METTL25: variants seen among roughly 807,000 people sequenced by gnomAD.
METTL25 encodes the protein methyltransferase like 25.
METTL25 carries 64 observed loss-of-function variants against 71.6 expected under a neutral mutation model. The observed-to-expected ratio is 0.89, with a 90% CI of 0.73 to 1.10. METTL25 has a LOEUF of 1.10. METTL25 is among the 50% of genes least tolerant of loss of function. The pLI, the probability that METTL25 is intolerant of heterozygous loss-of-function variation, is 0.00. For synonymous variants in METTL25, 287 were observed against 250.3 expected (o/e 1.15, Z -1.38); for missense variants, 807 against 707.0 (o/e 1.14, Z -1.60).
At chr12:82,469,088 A>G (rs1479335109) in intron 9 of METTL25, 2 of 152,238 alleles carry the variant, frequency 1.3e-5, no homozygotes, top group Non-Finnish European at 2.9e-5. Context: ...CTTTGACATA[A>G]CAATCAAACT....
chr12:82,451,843 A>T (rs1293405749), intron 8 of METTL25, among the ~76,000 whole-genome samples: 3 of 152,178 alleles, frequency 2.0e-5, no homozygotes, highest in Non-Finnish European at 2.9e-5. Flanking sequence ...AATTCTTCTG[A>T]AATATTAATA....
intron 9 of METTL25, among the ~76,000 whole-genome samples, chr12:82,461,017 C>T (rs1207506455): frequency 6.6e-6 from 1 of 151,752 alleles, no homozygotes; most frequent in Non-Finnish European, 1.5e-5. Context: ...GTGGCGGGCG[C>T]CTGTGGTCCC....
Position 82,473,359 on chromosome 12 carries a change from A to G in METTL25, c.1573-3285A>G, listed in dbSNP as rs143665916. Reference sequence around the variant, plus strand: ...TTCTCAAGGCCTGGAACAGGAGCGCAAGGCTCTTCAGCTGACCTAGGGCAT... The same window carrying G: ...TTCTCAAGGCCTGGAACAGGAGCGCGAGGCTCTTCAGCTGACCTAGGGCAT... On this transcript the variant is annotated intron_variant, in intron 9 of 11. Transcript: ENST00000248306. Among the ~76,000 whole-genome samples the G allele has an allele frequency of 5.8e-4, 88 of 152,170 alleles. 1 individual carries two copies. In the East Asian group the frequency reaches 0.016, roughly 27 times the overall value.
chr12:82,434,393 A>G (rs1237831649), intron 6 of METTL25, among the ~76,000 whole-genome samples: 3 of 151,456 alleles, frequency 2.0e-5, no homozygotes, highest in African/African-American at 7.3e-5. Flanking sequence ...AGACTATGTC[A>G]TTTCATTTCT....
At chr12:82,412,923 A>G (rs546706809) in intron 5 of METTL25, among the ~76,000 whole-genome samples, 93 of 152,054 alleles carry the variant, frequency 6.1e-4, no homozygotes, top group Non-Finnish European at 1.1e-3. Context: ...CATGTTTATT[A>G]CTATAATTTT....
chr12:82,467,031 C>T (rs1592772214), intron 9 of METTL25, among the ~76,000 whole-genome samples: 1 of 151,804 alleles, frequency 6.6e-6, no homozygotes, highest in African/African-American at 2.4e-5. Flanking sequence ...GCTACCACAT[C>T]TGGCCAGAAT....
At chr12:82,387,898 GTC>G (rs1885204010) in intron 2 of METTL25, among the ~76,000 whole-genome samples, 1 of 152,064 alleles carries the variant, frequency 6.6e-6, no homozygotes, top group African/African-American at 2.4e-5. Context: ...GTAATAAGCA[GTC>G]TCTATTCAAG....
At chr12:82,414,179 A>G (rs1426347580) in intron 5 of METTL25, among the ~76,000 whole-genome samples, 2 of 152,110 alleles carry the variant, frequency 1.3e-5, no homozygotes, top group East Asian at 1.9e-4. Context: ...TCAGCTGTTT[A>G]TAAGCTTTTG....
At chr12:82,387,715 G>GCACA (rs34068056) in intron 2 of METTL25, among the ~76,000 whole-genome samples, 120,697 of 150,600 alleles carry the variant, frequency 0.8, 49,077 homozygotes, top group East Asian at 0.97. Context: ...ACACACACGC[G>GCACA]CACACACACA....
chr12:82,385,022 C>T (rs1884837247), intron 1 of METTL25, among the ~76,000 whole-genome samples: 1 of 151,968 alleles, frequency 6.6e-6, no homozygotes, highest in Non-Finnish European at 1.5e-5. Flanking sequence ...TTACTTTTGG[C>T]TGAGTTAGTA....
intron 9 of METTL25, among the ~76,000 whole-genome samples, chr12:82,462,951 C>A (rs1275760400): frequency 6.6e-6 from 1 of 151,764 alleles, no homozygotes; most frequent in Admixed American, 6.6e-5. Context: ...TTTAAATGGA[C>A]ACATAATAAT....
At chr12:82,375,434 G>T (rs1055345386) in intron 1 of METTL25, among the ~76,000 whole-genome samples, 1 of 46,020 alleles carries the variant, frequency 2.2e-5, no homozygotes, top group Non-Finnish European at 4.0e-5. Flanking sequence ...AGCCTCTAGA[G>T]CTGTGAGGAA....
chr12:82,412,492 T>A (rs1197643003), intron 5 of METTL25, among the ~76,000 whole-genome samples: 1 of 152,122 alleles, frequency 6.6e-6, no homozygotes, highest in African/African-American at 2.4e-5. Flanking sequence ...CAGTAAATGC[T>A]GGGTTGGCAA....
chr12:82,396,946 G>A (rs1286213647), intron 3 of METTL25, among the ~76,000 whole-genome samples: 1 of 152,008 alleles, frequency 6.6e-6, no homozygotes, highest in African/African-American at 2.4e-5. Flanking sequence ...TTATTGCTGA[G>A]TAGTATGCCA....
intron 5 of METTL25, among the ~76,000 whole-genome samples, chr12:82,406,416 A>T (rs1887096275): frequency 6.6e-6 from 1 of 152,148 alleles, no homozygotes; most frequent in Non-Finnish European, 1.5e-5. Flanking sequence ...TATATGTTTT[A>T]GGCAAACAAA....
intron 9 of METTL25, among the ~76,000 whole-genome samples, chr12:82,466,361 G>T (rs1892232753): frequency 1.3e-5 from 2 of 148,302 alleles, no homozygotes; most frequent in African/African-American, 2.5e-5. Context: ...TTCACCCATT[G>T]GTCATTCAGG....
At chr12:82,396,459 C>A (rs562391668) in intron 3 of METTL25, among the ~76,000 whole-genome samples, 1 of 151,916 alleles carries the variant, frequency 6.6e-6, no homozygotes, top group African/African-American at 2.4e-5. Context: ...AGGAATGTTT[C>A]CTTGAGTGGC....
At chr12:82,372,428 G>T (rs1010664413) in intron 1 of METTL25, among the ~76,000 whole-genome samples, 4 of 152,164 alleles carry the variant, frequency 2.6e-5, no homozygotes, top group Admixed American at 2.0e-4. Context: ...GGATATGGGG[G>T]TAAGCTGAGA....
intron 5 of METTL25, among the ~76,000 whole-genome samples, chr12:82,427,296 A>C (rs990026763): frequency 6.6e-6 from 1 of 151,866 alleles, no homozygotes; most frequent in South Asian, 2.1e-4. Flanking sequence ...GTTGTGTAAG[A>C]AGTCACCCCA....
Sources: gnomAD v4.1 joint callset for allele counts (sites outside exome capture counted in the v4.1 genomes callset) on GRCh38, gnomAD v4.1.1 for gene constraint, MANE v1.5 for transcripts, NCBI Gene and HGNC (gene_info 2026-07-23, HGNC 2026-07-21) for gene names.